Variants in NAALADL2 observed in about 807,000 individuals in gnomAD.
NAALADL2 encodes the protein inactive N-acetylated-alpha-linked acidic dipeptidase-like protein 2.
In NAALADL2, 76 loss-of-function variants were observed where a neutral mutation model predicts 87.2. The ratio of observed to expected loss-of-function variants is 0.87; its 90% CI spans 0.72 to 1.05. NAALADL2 has a LOEUF of 1.05. NAALADL2 is among the 50% of genes least tolerant of loss of function. The probability of loss-of-function intolerance (pLI) is 0.00; values close to 1 mark genes in which losing one functional copy is unlikely to be tolerated. For synonymous variants in NAALADL2, 354 were observed against 331.0 expected, an observed-to-expected ratio of 1.07 and a Z score of -0.75; for missense variants, 1,089 against 945.8, an observed-to-expected ratio of 1.15 and a Z score of -1.99.
Position 175,392,667 on chromosome 3 carries a change from G to A in NAALADL2, c.1091-54562G>A, listed in dbSNP as rs958609917. 5.3e-5 allele frequency among the ~76,000 whole-genome samples: 8 copies of A among 152,126 alleles called. No homozygotes were observed. The East Asian group carries it at 7.7e-4, about 15-fold the overall frequency. On this transcript the variant is annotated intron_variant, in intron 5 of 13. Coordinates refer to ENST00000454872, the MANE Select transcript of NAALADL2 (RefSeq NM_207015.3). ...TTCCCATTGTTTCTTTCCTAAAACGGTGCACCTGCACCATCGATTATGCCA... is the reference window on the plus strand; with the variant it reads ...TTCCCATTGTTTCTTTCCTAAAACGATGCACCTGCACCATCGATTATGCCA...
At chr3:174,920,142 A>C (rs1734959596) in intron 1 of NAALADL2, among the ~76,000 whole-genome samples, 1 of 152,192 alleles carries the variant, frequency 6.6e-6, no homozygotes. Flanking sequence ...AATAGCAAAT[A>C]AGCTTTGCCT....
chr3:174,836,598 A>G (rs1012869191), intron 3 of NAALADL2, among the ~76,000 whole-genome samples: 2 of 151,194 alleles, frequency 1.3e-5, no homozygotes, highest in African/African-American at 4.9e-5. Context: ...GGTCCCAGCT[A>G]CTCGGGAGAC....
intron 9 of NAALADL2, among the ~76,000 whole-genome samples, chr3:175,476,316 A>G (rs1725690595): frequency 6.6e-6 from 1 of 152,284 alleles, no homozygotes; most frequent in Admixed American, 6.5e-5. Context: ...GTGTTGTAGG[A>G]CACAGTAAGC....
chr3:175,805,015 T>A lies in NAALADL2; in HGVS notation c.*1812T>A, dbSNP rs765325402. ...AAAGGTCTAGAAATAAATAGGCTTG[T>A]GCATACCTAGGCATTCATGCTCTTT... On this transcript the variant is annotated 3_prime_UTR_variant, in exon 14 of 14. Coordinates refer to ENST00000454872, the MANE Select transcript of NAALADL2 (RefSeq NM_207015.3). The A allele has an allele frequency of 6.6e-6, 1 of 151,948 alleles. No individual in the cohort carries two copies. 9.4% of individuals were successfully genotyped at this position (151,948 alleles called of 1,614,324 possible).
chr3:174,891,279 A>G (rs150088665), intron 1 of NAALADL2, among the ~76,000 whole-genome samples: 9 of 152,222 alleles, frequency 5.9e-5, no homozygotes, highest in Admixed American at 1.3e-4. Context: ...ACCAATCATC[A>G]TCCCTTACCC....
chr3:175,012,745 C>G (rs1441925078), intron 1 of NAALADL2, among the ~76,000 whole-genome samples: 1 of 151,860 alleles, frequency 6.6e-6, no homozygotes, highest in Admixed American at 6.6e-5. Flanking sequence ...ACGGGGAACA[C>G]TTGCCTTGCA....
chr3:175,576,852 A>G (rs1323646373), intron 10 of NAALADL2, among the ~76,000 whole-genome samples: 2 of 152,166 alleles, frequency 1.3e-5, no homozygotes, highest in Admixed American at 6.5e-5. Context: ...GCTATTTGAA[A>G]GCCTCTAGAA....
At chr3:175,150,361 A>T (rs555948800) in intron 2 of NAALADL2, among the ~76,000 whole-genome samples, 1 of 151,930 alleles carries the variant, frequency 6.6e-6, no homozygotes, top group East Asian at 1.9e-4. Context: ...GTACCATTAA[A>T]TTTTTTTTCT....
intron 1 of NAALADL2, among the ~76,000 whole-genome samples, chr3:174,925,558 T>G (rs1735889958): frequency 6.6e-6 from 1 of 152,204 alleles, no homozygotes; most frequent in African/African-American, 2.4e-5. Context: ...ATGCGGGCTC[T>G]TTTTTGGTTC....
Position 175,290,353 on chromosome 3 carries a change from A to G in NAALADL2, c.940-33822A>G, listed in dbSNP as rs369544026. Reference sequence around the variant, plus strand: ...AAATGAGACAAATCCAAAAGAGTACATACTTTATGATTCCATTTATATGAA... The same window carrying G: ...AAATGAGACAAATCCAAAAGAGTACGTACTTTATGATTCCATTTATATGAA... On this transcript the variant is annotated intron_variant, in intron 4 of 13. Transcript: ENST00000454872. 5.9e-5 allele frequency among the ~76,000 whole-genome samples: 9 copies of G among 152,370 alleles called. No individual in the cohort carries two copies. The East Asian group carries it at 1.3e-3, about 23-fold the overall frequency.
At position 175,473,620 on chromosome 3, in the gene NAALADL2, AT is replaced by A. The variant is rs761021730; in HGVS notation, c.1653+1867del. On this transcript the variant is annotated intron_variant, in intron 9 of 13. Transcript: ENST00000454872. ...ATATCACATTTTTAAAAAATTATATATTTTTAAAACTCAAATATATAAAGGT... is the reference window on the plus strand; with the variant it reads ...ATATCACATTTTTAAAAAATTATATATTTTAAAACTCAAATATATAAAGGT... Among the ~76,000 whole-genome samples the A allele has an allele frequency of 5.9e-5, 9 of 151,894 alleles. No homozygotes were observed. The East Asian group carries it at 1.4e-3, about 23-fold the overall frequency.
At chr3:174,614,946 T>C (rs1720306935) in intron 2 of NAALADL2, among the ~76,000 whole-genome samples, 1 of 152,194 alleles carries the variant, frequency 6.6e-6, no homozygotes, top group Non-Finnish European at 1.5e-5. Flanking sequence ...ATGAAGTTCG[T>C]TAACTCCACA....
chr3:174,498,656 A>G (rs1233842694), intron 1 of NAALADL2, among the ~76,000 whole-genome samples: 1 of 151,180 alleles, frequency 6.6e-6, no homozygotes, highest in East Asian at 1.9e-4. Context: ...TTTATCTTTT[A>G]AATGAACTAT....
chr3:174,753,998 T>C (rs1445321607), intron 3 of NAALADL2, among the ~76,000 whole-genome samples: 1 of 152,192 alleles, frequency 6.6e-6, no homozygotes, highest in African/African-American at 2.4e-5. Flanking sequence ...AACCCAATTA[T>C]GCTGACACCA....
chr3:175,609,285 A>G (rs1048803763), intron 10 of NAALADL2, among the ~76,000 whole-genome samples: 1 of 152,174 alleles, frequency 6.6e-6, no homozygotes, highest in African/African-American at 2.4e-5. Context: ...TAGAATTTTT[A>G]AGGATATTAA....
At chr3:175,118,333 A>G (rs1347395673) in intron 2 of NAALADL2, among the ~76,000 whole-genome samples, 1 of 151,852 alleles carries the variant, frequency 6.6e-6, no homozygotes, top group Non-Finnish European at 1.5e-5. Flanking sequence ...AATAGATCAC[A>G]GAACTAAACT....
intron 6 of NAALADL2, among the ~76,000 whole-genome samples, chr3:175,456,378 A>G (rs1224662837): frequency 2.0e-5 from 3 of 152,066 alleles, no homozygotes; most frequent in East Asian, 3.8e-4. Context: ...TAAACTTCAC[A>G]TGTCATAATT....
At chr3:174,910,107 T>G (rs572507061) in intron 1 of NAALADL2, among the ~76,000 whole-genome samples, 1 of 152,036 alleles carries the variant, frequency 6.6e-6, no homozygotes, top group Non-Finnish European at 1.5e-5. Flanking sequence ...TTAATCAGAA[T>G]GTAGTTGATT....
intron 4 of NAALADL2, among the ~76,000 whole-genome samples, chr3:175,307,877 T>C (rs1338379088): frequency 1.3e-5 from 2 of 152,194 alleles, no homozygotes; most frequent in East Asian, 3.9e-4. Context: ...AAAGCTGCTG[T>C]CCTGTAACAA....
Sources: allele counts gnomAD v4.1 joint callset (sites outside exome capture counted in the v4.1 genomes callset), GRCh38; gene constraint gnomAD v4.1.1; transcripts MANE v1.5; gene names NCBI Gene and HGNC (gene_info 2026-07-23, HGNC 2026-07-21).